CCT3: variants seen among roughly 807,000 people sequenced by gnomAD.
CCT3 encodes T-complex protein 1 subunit gamma.
Under a neutral mutation model 65.3 loss-of-function variants are expected in CCT3, and 10 were observed. The ratio of observed to expected loss-of-function variants is 0.15; its 90% CI spans 0.09 to 0.26. The LOEUF is 0.26. CCT3 is among the 10% of genes least tolerant of loss of function. The pLI, the probability that CCT3 is intolerant of heterozygous loss-of-function variation, is 1.00. For synonymous variants in CCT3, 225 were observed against 242.3 expected, an observed-to-expected ratio of 0.93 and a Z score of 0.66; for missense variants, 626 against 708.7, an observed-to-expected ratio of 0.88 and a Z score of 1.33.
At chr1:156,326,405 A>G (rs1313885071) in intron 5 of CCT3, among the ~76,000 whole-genome samples, 1 of 152,186 alleles carries the variant, frequency 6.6e-6, no homozygotes, top group Non-Finnish European at 1.5e-5. Flanking sequence ...TAATCCTAGC[A>G]CTTTGGGAGG....
chr1:156,328,201 G>T (rs1359447271), intron 5 of CCT3, among the ~76,000 whole-genome samples: 1 of 122,166 alleles, frequency 8.2e-6, no homozygotes, highest in African/African-American at 2.7e-5. Flanking sequence ...AGGGAGGTGG[G>T]GGGGGTCAGT....
At chr1:156,319,087 C>T in intron 7 of CCT3, 70 bp from the exon 8 acceptor site, 2 of 1,299,848 alleles carry the variant, frequency 1.5e-6, no homozygotes, top group South Asian at 1.4e-5. Flanking sequence ...CCCAGATGTT[C>T]ATCTTTCCCA....
At chr1:156,320,057 C>T (rs955205621) in intron 7 of CCT3, among the ~76,000 whole-genome samples, 1 of 152,116 alleles carries the variant, frequency 6.6e-6, no homozygotes, top group African/African-American at 2.4e-5. Context: ...TTGGTAGCCT[C>T]TTATAGGTTT....
chr1:156,331,891 G>A (rs1423908590), intron 5 of CCT3, among the ~76,000 whole-genome samples: 5 of 151,830 alleles, frequency 3.3e-5, no homozygotes, highest in Admixed American at 2.0e-4. Context: ...AATTAGCCAG[G>A]CATGGTGGCC....
At position 156,317,202 on chromosome 1, in the gene CCT3, C is replaced by A; in HGVS notation, c.938G>T (p.Arg313Leu). The part of the protein sequence containing the change: ...YLMRANITAI[R>L]RVRKTDNNRI... ...ATTATTGTCTGTCTTCCGGACTCTGCGGATGGCTGTGATATTGGCCCGCAT... is the reference window on the plus strand; with the variant it reads ...ATTATTGTCTGTCTTCCGGACTCTGAGGATGGCTGTGATATTGGCCCGCAT... Residue 313 changes from arginine to leucine, a missense_variant, in exon 10 of 14, where the codon CGC becomes CTC. Arg to Leu is a moderately radical substitution (Grantham distance 102). Transcript: ENST00000295688. 2 of 1,614,140 alleles carry A rather than the reference C, an allele frequency of 1.2e-6. No individual in the cohort carries two copies. The highest frequency in any genetic ancestry group is 1.7e-6 in the Non-Finnish European group (2 of 1,179,970).
At chr1:156,316,632 C>T (rs2764404) in intron 10 of CCT3, among the ~76,000 whole-genome samples, 39,054 of 152,148 alleles carry the variant, frequency 0.26, 5,301 homozygotes, top group Non-Finnish European at 0.27. Context: ...AGGCTGACAA[C>T]AGGATGACTG....
Position 156,335,839 on chromosome 1 carries a change from G to A in CCT3, c.81C>T (p.Ile27=). The A allele has an allele frequency of 6.2e-7, 1 of 1,613,908 alleles. No homozygotes were observed. The highest frequency in any genetic ancestry group is 8.5e-7 in the Non-Finnish European group (1 of 1,179,794). ...AAAGATTTGTGACCTTGGCAGCATTGATGTTTCCAGATTGAACTTTTCTTC... is the reference window on the plus strand; with the variant it reads ...AAAGATTTGTGACCTTGGCAGCATTAATGTTTCCAGATTGAACTTTTCTTC... ...ESGRKVQSGN[I]NAAKTIADII... The change falls in exon 2 of 14, where the codon ATC becomes ATT. Residue 27 remains isoleucine (I), a synonymous_variant. Transcript: ENST00000295688.
chr1:156,320,862 T>G lies in CCT3; in HGVS notation c.586A>C (p.Lys196Gln), dbSNP rs1263229125. ...ACCTTTTCCACTCTTGCATATTTTT[T>G]TATGTCAATCTCTTTCCGACCATTC... ...EENGRKEIDI[K>Q]KYARVEKIPG... The change falls in exon 7 of 14, where the codon AAA becomes CAA. Residue 196 changes from lysine to glutamine, a missense_variant. Coordinates refer to ENST00000295688, the MANE Select transcript of CCT3 (RefSeq NM_005998.5). The G allele has an allele frequency of 1.2e-6, 2 of 1,611,280 alleles. No individual in the cohort carries two copies. The highest frequency in any genetic ancestry group is 1.7e-6 in the Non-Finnish European group (2 of 1,177,844).
At chr1:156,309,703 G>A (rs1318671823) in intron 13 of CCT3, among the ~76,000 whole-genome samples, 3 of 151,904 alleles carry the variant, frequency 2.0e-5, no homozygotes, top group Non-Finnish European at 4.4e-5. Flanking sequence ...TGGGATTACA[G>A]GCGTGACCCA....
Position 156,334,886 on chromosome 1 carries a change from T to A in CCT3, c.126A>T (p.Gly42=), listed in dbSNP as rs377553257. 9.9e-6 allele frequency: 16 copies of A among 1,613,930 alleles called. No individual in the cohort carries two copies. The highest frequency in any genetic ancestry group is 1.3e-5 in the Non-Finnish European group (15 of 1,180,012). ...TIADIIRTCL[G]PKSMMKMLLD... ...AGCCTACCTTCATCATGGACTTGGG[T>A]CCCAAACATGTTCGGATGATATCTG... Residue 42 remains glycine (G), a synonymous_variant, in exon 3 of 14, where the codon GGA becomes GGT. Transcript: ENST00000295688.
chr1:156,312,340 T>A, intron 10 of CCT3, 119 bp from the exon 11 acceptor site: 2 of 874,368 alleles, frequency 2.3e-6, no homozygotes, highest in Non-Finnish European at 1.7e-6. Flanking sequence ...AAACATCACT[T>A]AAGAGGTCTT....
At chr1:156,337,029 C>A in intron 1 of CCT3, 1 of 1,253,366 alleles carries the variant, frequency 8.0e-7, no homozygotes. Flanking sequence ...AGATGGCTAG[C>A]CAGGCTCTGC....
At chr1:156,337,063 C>A in intron 1 of CCT3, 1 of 1,283,974 alleles carries the variant, frequency 7.8e-7, no homozygotes. Flanking sequence ...AAGTTACACA[C>A]AGAATGGAAA....
At chr1:156,332,359 A>G (rs1024379232) in intron 5 of CCT3, among the ~76,000 whole-genome samples, 2 of 152,228 alleles carry the variant, frequency 1.3e-5, no homozygotes, top group African/African-American at 4.8e-5. Context: ...AAATTTTACT[A>G]TCATCTTGAC....
At chr1:156,333,677 T>C in intron 4 of CCT3, 34 bp from the exon 5 acceptor site, 1 of 1,508,092 alleles carries the variant, frequency 6.6e-7, no homozygotes, top group East Asian at 2.3e-5. Flanking sequence ...ATTCACACTA[T>C]TCAAAGACCT....
chr1:156,333,741 T>C, intron 4 of CCT3, 98 bp from the exon 5 acceptor site: 1 of 786,876 alleles, frequency 1.3e-6, no homozygotes, highest in Non-Finnish European at 2.1e-6. Flanking sequence ...CTATACGTAC[T>C]TACTTTCCCT....
chr1:156,310,637 C>T lies in CCT3; in HGVS notation c.1454G>A (p.Gly485Asp). The change falls in exon 13 of 14, where the codon GGT becomes GAT. Residue 485 changes from glycine (G) to aspartate (D), a missense_variant. Coordinates refer to ENST00000295688, the MANE Select transcript of CCT3 (RefSeq NM_005998.5). ...CAGTTCCTTCATGTCCACCAAAGTA[C>T]CCGTCTCACCATTTACACCCCAGGT... The part of the protein sequence containing the change: ...CETWGVNGET[G>D]TLVDMKELGI... 3.1e-6 allele frequency: 5 copies of T among 1,614,012 alleles called. No homozygotes were observed. Among genetic ancestry groups the T allele is most frequent in the Non-Finnish European group, 4.2e-6 (5 of 1,179,894 alleles).
intron 10 of CCT3, among the ~76,000 whole-genome samples, chr1:156,314,574 C>T (rs573471734): frequency 1.3e-5 from 2 of 151,706 alleles, no homozygotes; most frequent in South Asian, 2.1e-4. Context: ...ATTAGCTGGG[C>T]TTGGTGGCTC....
At position 156,325,277 on chromosome 1, in the gene CCT3, T is replaced by C. The variant is rs543061678; in HGVS notation, c.305-188A>G. 1.1e-4 allele frequency among the ~76,000 whole-genome samples: 16 copies of C among 152,346 alleles called. No homozygotes were observed. In the East Asian group the frequency reaches 2.1e-3, roughly 20 times the overall value. On this transcript the variant is annotated intron_variant, in intron 5 of 13. Coordinates refer to ENST00000295688, the MANE Select transcript of CCT3 (RefSeq NM_005998.5). ...GCAATTTATACAGAAAACATCCTTG[T>C]TGCCCAGGCTAGGCATGGTGGCTCA...
Sources: allele counts gnomAD v4.1 joint callset (sites outside exome capture counted in the v4.1 genomes callset), GRCh38; gene constraint gnomAD v4.1.1; transcripts MANE v1.5; gene names NCBI Gene and HGNC (gene_info 2026-07-23, HGNC 2026-07-21).